NCALD: variants seen among roughly 807,000 people sequenced by gnomAD.
NCALD encodes neurocalcin-delta.
A neutral mutation model predicts 18.6 loss-of-function variants in NCALD; 10 were observed. That is an observed-to-expected ratio of 0.54 (90% CI 0.33 to 0.91). NCALD has a LOEUF of 0.91. Ranked by LOEUF, NCALD falls within the 40% of genes least tolerant of loss-of-function variation. The pLI is 0.03. For synonymous variants in NCALD, 88 were observed against 87.4 expected (o/e 1.01, Z -0.04); for missense variants, 184 against 247.6 (o/e 0.74, Z 1.72).
At chr8:102,029,869 A>G (rs1822606411) in intron 1 of NCALD, among the ~76,000 whole-genome samples, 1 of 152,178 alleles carries the variant, frequency 6.6e-6, no homozygotes, top group Non-Finnish European at 1.5e-5. Flanking sequence ...ATTTAATAAG[A>G]TTAATTATAT....
At position 102,052,541 on chromosome 8, in the gene NCALD, G is replaced by A. The variant is rs534258119; in HGVS notation, c.-209-32252C>T. The stretch of plus-strand genomic sequence containing the variant: ...TCTTAGAAGGTAAGGAGAGCTTGAA[G>A]TGGTTAAATCCACACATAATTCAGG... On this transcript the variant is annotated intron_variant, in intron 1 of 6. Coordinates refer to the NCALD transcript ENST00000311028. Among the ~76,000 whole-genome samples the A allele has an allele frequency of 2.4e-4, 36 of 152,348 alleles. No individual in the cohort carries two copies. The East Asian group carries it at 6.4e-3, about 27-fold the overall frequency.
chr8:101,740,426 C>T (rs1702580425), intron 1 of NCALD, among the ~76,000 whole-genome samples: 1 of 152,124 alleles, frequency 6.6e-6, no homozygotes, highest in African/African-American at 2.4e-5. Flanking sequence ...TACGGGCTTA[C>T]CCAAGGTTTT....
intron 2 of NCALD, among the ~76,000 whole-genome samples, chr8:101,943,712 G>A (rs546629123): frequency 3.5e-4 from 53 of 151,946 alleles, no homozygotes; most frequent in Admixed American, 8.5e-4. Flanking sequence ...AGGCCGAGGC[G>A]GGCGGATCGC....
At chr8:101,740,702 C>A (rs1810148583) in intron 1 of NCALD, among the ~76,000 whole-genome samples, 1 of 152,036 alleles carries the variant, frequency 6.6e-6, no homozygotes, top group Non-Finnish European at 1.5e-5. Context: ...TAAAAAAACC[C>A]AAACAGACAG....
At chr8:101,770,299 A>T (rs957458144) in intron 1 of NCALD, among the ~76,000 whole-genome samples, 7 of 152,334 alleles carry the variant, frequency 4.6e-5, no homozygotes, top group African/African-American at 1.7e-4. Context: ...CTAAAAATCA[A>T]GAGCTCCAAG....
At chr8:101,953,022 C>T (rs914631254) in intron 2 of NCALD, among the ~76,000 whole-genome samples, 1 of 151,980 alleles carries the variant, frequency 6.6e-6, no homozygotes, top group African/African-American at 2.4e-5. Context: ...TGGGTGGCTG[C>T]ACATCCTAGA....
chr8:102,098,961 G>A (rs535850743), intron 1 of NCALD, among the ~76,000 whole-genome samples: 2 of 152,306 alleles, frequency 1.3e-5, no homozygotes, highest in African/African-American at 4.8e-5. Context: ...TTCTAAGCTT[G>A]TTAATTGTGA....
intron 1 of NCALD, among the ~76,000 whole-genome samples, chr8:102,078,000 G>C (rs559405662): frequency 6.6e-6 from 1 of 152,226 alleles, no homozygotes; most frequent in Middle Eastern, 3.4e-3. Context: ...CCAAGTAGCT[G>C]CTTGACAGAT....
chr8:101,762,997 T>C (rs1413887053), intron 1 of NCALD, among the ~76,000 whole-genome samples: 1 of 152,222 alleles, frequency 6.6e-6, no homozygotes. Context: ...TTATTAACTG[T>C]GGGACCCTAG....
At chr8:101,790,015 T>C (rs909679677) in intron 1 of NCALD, among the ~76,000 whole-genome samples, 2 of 152,236 alleles carry the variant, frequency 1.3e-5, no homozygotes, top group Admixed American at 1.3e-4. Context: ...TCTATCTGTG[T>C]TTGAGTTAAA....
At chr8:101,930,343 C>T (rs73696582) in intron 2 of NCALD, among the ~76,000 whole-genome samples, 9,681 of 152,150 alleles carry the variant, frequency 0.064, 773 homozygotes, top group African/African-American at 0.19. Context: ...GCTACTCCAA[C>T]GCCATCTCCC....
intron 2 of NCALD, among the ~76,000 whole-genome samples, chr8:101,940,450 C>T (rs982589642): frequency 6.6e-6 from 1 of 152,214 alleles, no homozygotes; most frequent in African/African-American, 2.4e-5. Flanking sequence ...ATAGCCTCAA[C>T]ATGTCCCCAT....
chr8:101,799,907 T>C (rs1812778496), intron 4 of NCALD, among the ~76,000 whole-genome samples: 1 of 152,214 alleles, frequency 6.6e-6, no homozygotes, highest in African/African-American at 2.4e-5. Flanking sequence ...TTGCAAGATG[T>C]TACCTTTGGA....
At chr8:101,921,804 A>G (rs1818174997) in intron 2 of NCALD, among the ~76,000 whole-genome samples, 1 of 152,212 alleles carries the variant, frequency 6.6e-6, no homozygotes, top group Non-Finnish European at 1.5e-5. Flanking sequence ...TATAGATACT[A>G]TAGAAGATGT....
At chr8:101,799,441 C>T (rs1317209842) in intron 4 of NCALD, among the ~76,000 whole-genome samples, 4 of 152,096 alleles carry the variant, frequency 2.6e-5, no homozygotes, top group Non-Finnish European at 5.9e-5. Context: ...TCCAGAGAAA[C>T]GAAGACACGC....
At chr8:101,982,818 G>A (rs1483287683) in intron 2 of NCALD, among the ~76,000 whole-genome samples, 4 of 149,876 alleles carry the variant, frequency 2.7e-5, no homozygotes, top group Non-Finnish European at 4.4e-5. Flanking sequence ...TCCAGCCTGG[G>A]CGACAGAGCG....
At chr8:101,844,215 T>C (rs1222359703) in intron 4 of NCALD, among the ~76,000 whole-genome samples, 1 of 152,172 alleles carries the variant, frequency 6.6e-6, no homozygotes, top group Admixed American at 6.5e-5. Context: ...GTAATTTTCA[T>C]TACCTGCAGC....
intron 4 of NCALD, among the ~76,000 whole-genome samples, chr8:101,821,871 G>C (rs1245307251): frequency 8.0e-6 from 1 of 124,730 alleles, no homozygotes; most frequent in Non-Finnish European, 1.6e-5. Context: ...GGAACCTCTT[G>C]GGTTCTAAGT....
In NCALD at chr8:101,850,532, A is replaced by G. The variant is rs867810594; in HGVS notation, c.-20+36609T>C. Among the ~76,000 whole-genome samples, 43 of 152,338 alleles carry G rather than the reference A, an allele frequency of 2.8e-4. 1 individual carries two copies. Among genetic ancestry groups the G allele is most frequent in the African/African-American group, 9.9e-4 (41 of 41,592 alleles). On this transcript the variant is annotated intron_variant, in intron 4 of 6. Transcript: ENST00000311028. ...AGGAAAGAAAAGGATCTGCAAATCT[A>G]TAGGCTGTTGCGGGCTCTTGGATGT...
Sources: gnomAD v4.1 joint callset for allele counts (sites outside exome capture counted in the v4.1 genomes callset) on GRCh38, gnomAD v4.1.1 for gene constraint, MANE v1.5 for transcripts, NCBI Gene and HGNC (gene_info 2026-07-23, HGNC 2026-07-21) for gene names.